The following MTMR8 variants were observed in gnomAD, a reference collection of about 807,000 sequenced individuals.
The protein encoded by MTMR8 is myotubularin related protein 8.
Under a neutral mutation model 39.3 loss-of-function variants are expected in MTMR8, and 65 were observed. The ratio of observed to expected loss-of-function variants is 1.65; its 90% CI spans 1.35 to 2.03. The LOEUF is 2.03. MTMR8 is among the 30% of genes most tolerant of loss of function. The pLI is 0.00. For missense variants in MTMR8, 777 were observed against 538.9 expected, an observed-to-expected ratio of 1.44 and a Z score of -4.37; for synonymous variants, 245 against 185.2, an observed-to-expected ratio of 1.32 and a Z score of -2.62.
At chrX:64,301,886 G>T (rs1921892645) in intron 12 of MTMR8, among the ~76,000 whole-genome samples, 1 of 111,972 alleles carries the variant, frequency 8.9e-6, no homozygotes, top group Non-Finnish European at 1.9e-5. Context: ...TTGGGGGTCA[G>T]GGGTCAGGGA....
chrX:64,361,174 G>GA (rs1340287897), intron 1 of MTMR8, among the ~76,000 whole-genome samples: 1 of 111,138 alleles, frequency 9.0e-6, no homozygotes, highest in Non-Finnish European at 1.9e-5. Flanking sequence ...TAAATATCAA[G>GA]AAAAAAATAA....
intron 1 of MTMR8, among the ~76,000 whole-genome samples, chrX:64,363,543 T>C (rs1361112084): frequency 8.9e-6 from 1 of 112,318 alleles, no homozygotes; most frequent in African/African-American, 3.2e-5. Context: ...CAGATGCCTG[T>C]GTTATGGTTT....
chrX:64,285,734 A>G (rs1421248057), intron 12 of MTMR8, among the ~76,000 whole-genome samples: 1 of 112,002 alleles, frequency 8.9e-6, no homozygotes, highest in Non-Finnish European at 1.9e-5. Context: ...TACTGGGTAC[A>G]TAACGAAATG....
At chrX:64,284,886 A>G (rs1312486333) in intron 12 of MTMR8, among the ~76,000 whole-genome samples, 1 of 112,288 alleles carries the variant, frequency 8.9e-6, no homozygotes, top group Admixed American at 9.4e-5. Flanking sequence ...AATCGTAAAG[A>G]CCATCGAAGC....
At chrX:64,271,543 GATTGTAAACAAAAC>G (rs1400715991) in intron 12 of MTMR8, among the ~76,000 whole-genome samples, 1 of 111,871 alleles carries the variant, frequency 8.9e-6, no homozygotes, top group Non-Finnish European at 1.9e-5. Flanking sequence ...AAACCAACCA[GATTGTAAACAAAAC>G]ATCTGTAGAA....
At position 64,348,697 on chromosome X, in the gene MTMR8, C is replaced by T. The variant is rs762445163; in HGVS notation, c.695G>A (p.Gly232Glu). ...GTCTACAACATACATAAACTGGCTC[C>T]CTGGGTTTGTTTGGCTAATGGCCTC... ...LLEAISQTNP[G>E]SQFMYVVDTR... The change falls in exon 6 of 14, where the codon GGG becomes GAG. Residue 232 changes from glycine (G) to glutamate (E), a missense_variant. Physicochemically the swap from Gly to Glu is moderately conservative, Grantham distance 98. Transcript: ENST00000374852. The T allele has an allele frequency of 1.6e-5, 19 of 1,210,645 alleles. No individual in the cohort carries two copies. Among genetic ancestry groups the T allele is most frequent in the Non-Finnish European group, 1.9e-5 (17 of 894,865 alleles).
intron 12 of MTMR8, among the ~76,000 whole-genome samples, chrX:64,275,664 A>G (rs116295941): frequency 3.5e-4 from 39 of 109,873 alleles, no homozygotes; most frequent in Middle Eastern, 4.7e-3. Flanking sequence ...AAAAAAAAAA[A>G]AAAGAAAGAA....
At chrX:64,360,726 T>A (rs765748404) in intron 1 of MTMR8, among the ~76,000 whole-genome samples, 1 of 111,582 alleles carries the variant, frequency 9.0e-6, no homozygotes, top group African/African-American at 3.2e-5. Flanking sequence ...GAAAGGAAAC[T>A]AAGAAATATT....
In MTMR8 at chrX:64,300,755, C is replaced by G. The variant is rs751362354; in HGVS notation, c.1481+28017G>C. 2.3e-3 allele frequency among the ~76,000 whole-genome samples: 238 copies of G among 104,176 alleles called. 3 individuals carry two copies. The highest frequency in any genetic ancestry group is 8.1e-3 in the African/African-American group (230 of 28,504). 90.5% of individuals were successfully genotyped at this position (104,176 alleles called of 115,157 possible). A position where few individuals can be genotyped will look rare whatever the true frequency, so the allele number is the denominator to read the frequency against. On this transcript the variant is annotated intron_variant, in intron 12 of 13. Coordinates refer to ENST00000374852, the MANE Select transcript of MTMR8 (RefSeq NM_017677.4). Reference sequence around the variant, plus strand: ...ATGTTTAGCGCTTCCTTCAGGAGCTCTTGTAGGGCAGGCCTGGTGGTGACA... The same window carrying G: ...ATGTTTAGCGCTTCCTTCAGGAGCTGTTGTAGGGCAGGCCTGGTGGTGACA...
At chrX:64,300,108 G>C in intron 12 of MTMR8, among the ~76,000 whole-genome samples, 1 of 102,514 alleles carries the variant, frequency 9.8e-6, no homozygotes, top group East Asian at 3.1e-4. Context: ...GCTTGGTGCA[G>C]AGCTGAGTTC....
At chrX:64,290,467 T>C (rs1353070223) in intron 12 of MTMR8, among the ~76,000 whole-genome samples, 1 of 110,660 alleles carries the variant, frequency 9.0e-6, no homozygotes, top group Non-Finnish European at 1.9e-5. Context: ...ATAATAGCGT[T>C]CCCATGGACT....
chrX:64,286,438 G>T (rs973054442), intron 12 of MTMR8, among the ~76,000 whole-genome samples: 14 of 112,108 alleles, frequency 1.2e-4, no homozygotes, highest in African/African-American at 4.5e-4. Flanking sequence ...CAGAAAAAGA[G>T]GGAATGCTCC....
intron 12 of MTMR8, among the ~76,000 whole-genome samples, chrX:64,302,382 C>G (rs1602118610): frequency 8.9e-6 from 1 of 112,735 alleles, no homozygotes; most frequent in East Asian, 2.8e-4. Context: ...TCCCCGACCC[C>G]TTGCGCTTCC....
chrX:64,341,479 CAA>C (rs758580930), intron 8 of MTMR8, among the ~76,000 whole-genome samples: 26 of 25,527 alleles, frequency 1.0e-3, no homozygotes, highest in African/African-American at 3.1e-3. Flanking sequence ...AACTCTGTCT[CAA>C]AAAAAAAAAA....
At position 64,328,429 on chromosome X, in the gene MTMR8, G is replaced by C. The variant is rs757377564; in HGVS notation, c.1481+343C>G. Among the ~76,000 whole-genome samples, 11 of 111,574 alleles carry C rather than the reference G, an allele frequency of 9.9e-5. No homozygotes were observed. In the South Asian group the frequency reaches 4.2e-3, roughly 42 times the overall value. On this transcript the variant is annotated intron_variant, in intron 12 of 13. Transcript: ENST00000374852. ...TAGCAAACATTACCAGCACACTCCT[G>C]ATTTGTCTCATTTTTCTTTTCTTTG...
At chrX:64,307,251 G>T (rs761534704) in intron 12 of MTMR8, among the ~76,000 whole-genome samples, 1 of 111,543 alleles carries the variant, frequency 9.0e-6, no homozygotes, top group African/African-American at 3.3e-5. Context: ...ATTTTATTGA[G>T]GTCTAATATA....
intron 12 of MTMR8, among the ~76,000 whole-genome samples, chrX:64,276,089 G>A (rs987554520): frequency 2.7e-5 from 3 of 111,297 alleles, no homozygotes; most frequent in African/African-American, 6.5e-5. Flanking sequence ...TTCTTTATTA[G>A]TCTGGCTAGT....
intron 2 of MTMR8, among the ~76,000 whole-genome samples, chrX:64,358,116 A>C (rs1923675489): frequency 8.9e-6 from 1 of 112,019 alleles, no homozygotes; most frequent in Non-Finnish European, 1.9e-5. Context: ...GGCTTACGGC[A>C]CAGTACTAAA....
chrX:64,294,626 C>T (rs756756256), intron 12 of MTMR8, among the ~76,000 whole-genome samples: 1 of 111,687 alleles, frequency 9.0e-6, no homozygotes, highest in Non-Finnish European at 1.9e-5. Flanking sequence ...ATTTATTCCT[C>T]ACAGTCATGG....
Sources: allele counts gnomAD v4.1 joint callset (sites outside exome capture counted in the v4.1 genomes callset), GRCh38; gene constraint gnomAD v4.1.1; transcripts MANE v1.5; gene names NCBI Gene and HGNC (gene_info 2026-07-23, HGNC 2026-07-21).